EXOC4: variants seen among roughly 807,000 people sequenced by gnomAD.
The protein encoded by EXOC4 is exocyst complex component 4, also known as SEC8-like 1.
In EXOC4, 71 loss-of-function variants were observed where a neutral mutation model predicts 107.2. The observed-to-expected ratio is 0.66, with a 90% CI of 0.55 to 0.81. The LOEUF (loss-of-function observed/expected upper bound fraction) is 0.81. EXOC4 is among the 30% of genes least tolerant of loss of function. The probability of loss-of-function intolerance (pLI) is 0.00; values close to 1 mark genes in which losing one functional copy is unlikely to be tolerated. For missense variants in EXOC4, 1,108 were observed against 1,189.6 expected, an observed-to-expected ratio of 0.93 and a Z score of 1.01; for synonymous variants, 456 against 441.2, an observed-to-expected ratio of 1.03 and a Z score of -0.42.
At chr7:133,898,407 C>T (rs896542782) in intron 12 of EXOC4, among the ~76,000 whole-genome samples, 2 of 151,956 alleles carry the variant, frequency 1.3e-5, no homozygotes, top group African/African-American at 4.8e-5. Flanking sequence ...AGTGGTAGTA[C>T]CAACGTCTCA....
At chr7:134,034,066 G>A (rs969190912) in intron 17 of EXOC4, among the ~76,000 whole-genome samples, 5 of 145,018 alleles carry the variant, frequency 3.4e-5, no homozygotes, top group Admixed American at 1.5e-4. Flanking sequence ...ATCAGAAAAC[G>A]TCGTGTCTAA....
chr7:133,785,549 ATACT>A (rs959337802), intron 10 of EXOC4, among the ~76,000 whole-genome samples: 1 of 152,226 alleles, frequency 6.6e-6, no homozygotes, highest in East Asian at 1.9e-4. Flanking sequence ...CACTAAGCAC[ATACT>A]TACTTTCTCT....
In EXOC4 at chr7:133,905,148, A is replaced by G. The variant is rs930414446; in HGVS notation, c.1871+9413A>G. ...TCAGCAGATATCCTTCAGAGAAATC[A>G]TCAAATCTAGAAACTCACAATGCCC... On this transcript the variant is annotated intron_variant, in intron 12 of 17. Coordinates refer to ENST00000253861, the MANE Select transcript of EXOC4 (RefSeq NM_021807.4). 6.6e-5 allele frequency among the ~76,000 whole-genome samples: 10 copies of G among 152,196 alleles called. No homozygotes were observed. The East Asian group carries it at 1.7e-3, about 26-fold the overall frequency.
chr7:133,417,016 A>AG (rs747078821), intron 7 of EXOC4, among the ~76,000 whole-genome samples: 42 of 152,258 alleles, frequency 2.8e-4, no homozygotes, highest in Admixed American at 1.8e-3. Context: ...GAGGATTCAC[A>AG]TGGATTTAGA....
chr7:133,817,406 C>T lies in EXOC4; in HGVS notation c.1596C>T (p.Ile532=). 6.2e-7 allele frequency: 1 copy of T among 1,614,068 alleles called. No homozygotes were observed. Among genetic ancestry groups the T allele is most frequent in the Non-Finnish European group, 8.5e-7 (1 of 1,179,982 alleles). The change falls in exon 11 of 18, where the codon ATC becomes ATT. Residue 532 remains isoleucine, a synonymous_variant. Transcript: ENST00000253861. ...CPLREFLTVY[I]KNIFLNQVLA... ...TTCGAGAGTTTCTCACCGTGTACAT[C>T]AAAAACATCTTTCTCAATCAAGTCT...
At chr7:133,795,786 G>A (rs545156523) in intron 10 of EXOC4, among the ~76,000 whole-genome samples, 13 of 152,234 alleles carry the variant, frequency 8.5e-5, no homozygotes, top group Admixed American at 2.0e-4. Context: ...TCTATCAACC[G>A]TGTAGTTTCT....
intron 5 of EXOC4, among the ~76,000 whole-genome samples, chr7:133,349,438 A>G (rs530252131): frequency 6.6e-6 from 1 of 152,278 alleles, no homozygotes; most frequent in South Asian, 2.1e-4. Context: ...GAGTTATTTC[A>G]TTTAGCATAA....
intron 11 of EXOC4, among the ~76,000 whole-genome samples, chr7:133,852,981 GGCCTGGCA>G (rs1798267220): frequency 6.6e-6 from 1 of 152,134 alleles, no homozygotes; most frequent in Admixed American, 6.5e-5. Flanking sequence ...ATTCCTTGAA[GGCCTGGCA>G]GAATCTGACA....
At chr7:133,681,947 A>G (rs927422556) in intron 10 of EXOC4, among the ~76,000 whole-genome samples, 2 of 152,186 alleles carry the variant, frequency 1.3e-5, no homozygotes, top group African/African-American at 4.8e-5. Flanking sequence ...TCTGTAGCCC[A>G]GGATGGAGTG....
chr7:133,682,834 T>C (rs1412431383), intron 10 of EXOC4, among the ~76,000 whole-genome samples: 1 of 152,194 alleles, frequency 6.6e-6, no homozygotes, highest in Admixed American at 6.6e-5. Context: ...CCGCACCTGC[T>C]CGGTCCCAGA....
At chr7:133,288,511 T>C (rs1794331615) in intron 2 of EXOC4, among the ~76,000 whole-genome samples, 1 of 152,210 alleles carries the variant, frequency 6.6e-6, no homozygotes, top group Admixed American at 6.5e-5. Flanking sequence ...AGCTAGAAGC[T>C]TGGACCAAGT....
intron 10 of EXOC4, among the ~76,000 whole-genome samples, chr7:133,719,571 CCT>C (rs1172343257): frequency 6.6e-6 from 1 of 151,564 alleles, no homozygotes; most frequent in Admixed American, 6.6e-5. Flanking sequence ...TTGCAGTGTG[CCT>C]CAGACCTTTG....
intron 11 of EXOC4, among the ~76,000 whole-genome samples, chr7:133,879,484 A>G (rs988282850): frequency 4.6e-5 from 7 of 152,196 alleles, no homozygotes; most frequent in African/African-American, 1.7e-4. Flanking sequence ...GCTGAAATAT[A>G]ATTCCTACTT....
chr7:133,453,130 TA>T lies in EXOC4; in HGVS notation c.1183-22193del, dbSNP rs1798385224. Among the ~76,000 whole-genome samples the T allele has an allele frequency of 2.0e-5, 3 of 152,336 alleles. No individual in the cohort carries two copies. The South Asian group carries it at 6.2e-4, about 32-fold the overall frequency. On this transcript the variant is annotated intron_variant, in intron 7 of 17. Transcript: ENST00000253861. ...GAAAAATCTGTAGACTGTGAGAATA[TA>T]AAAATCGCTGTGAATTATAAATAAT...
intron 10 of EXOC4, among the ~76,000 whole-genome samples, chr7:133,740,580 T>G (rs924772084): frequency 4.6e-5 from 7 of 152,184 alleles, no homozygotes; most frequent in African/African-American, 1.7e-4. Flanking sequence ...CTAACCTTCT[T>G]TCCCACGATG....
chr7:133,649,448 T>G (rs911947677), intron 10 of EXOC4, among the ~76,000 whole-genome samples: 3 of 142,234 alleles, frequency 2.1e-5, no homozygotes, highest in Non-Finnish European at 4.5e-5. Flanking sequence ...CTACTGTGTG[T>G]GAAGCATTAC....
chr7:133,986,502 G>A lies in EXOC4; in HGVS notation c.2207-10990G>A, dbSNP rs576078622. On this transcript the variant is annotated intron_variant, in intron 14 of 17. Transcript: ENST00000253861. ...CTCAGGAAAAGAGTGATCAAAAATA[G>A]TTACTATGAAATTTTAGTTTGGCGT... Among the ~76,000 whole-genome samples, 18 of 152,284 alleles carry A rather than the reference G, an allele frequency of 1.2e-4. No individual in the cohort carries two copies. In the East Asian group the frequency reaches 3.3e-3, roughly 28 times the overall value.
intron 10 of EXOC4, among the ~76,000 whole-genome samples, chr7:133,640,596 C>A (rs1802830004): frequency 6.6e-6 from 1 of 152,078 alleles, no homozygotes; most frequent in Admixed American, 6.6e-5. Context: ...GGAGCAGTGT[C>A]CAGCAGAGCA....
At chr7:133,497,367 G>A (rs1408761925) in intron 9 of EXOC4, among the ~76,000 whole-genome samples, 7 of 151,618 alleles carry the variant, frequency 4.6e-5, no homozygotes, top group Admixed American at 3.9e-4. Context: ...TAGCTCTCTT[G>A]TTGTAAGAAA....
Sources: allele counts gnomAD v4.1 joint callset (sites outside exome capture counted in the v4.1 genomes callset), GRCh38; gene constraint gnomAD v4.1.1; transcripts MANE v1.5; gene names NCBI Gene and HGNC (gene_info 2026-07-23, HGNC 2026-07-21).